Variants in COL4A4 observed in about 807,000 individuals in gnomAD.
COL4A4 encodes the protein collagen type IV alpha 4 chain, also known as collagen alpha-4(IV) chain.
COL4A4 carries 105 observed loss-of-function variants against 192.9 expected under a neutral mutation model. The ratio of observed to expected loss-of-function variants is 0.54; its 90% CI spans 0.46 to 0.64. The LOEUF is 0.64. Among genes scored for constraint, COL4A4 ranks in the 30% least tolerant of loss-of-function variants. The probability of loss-of-function intolerance (pLI) is 0.00; values close to 1 mark genes in which losing one functional copy is unlikely to be tolerated. For synonymous variants in COL4A4, 762 were observed against 769.9 expected (o/e 0.99, Z 0.17); for missense variants, 1,967 against 2,169.3 (o/e 0.91, Z 1.85).
intron 30 of COL4A4, 45 bp from the exon 31 acceptor site, chr2:227,054,782 T>C: frequency 6.4e-7 from 1 of 1,563,212 alleles, no homozygotes; most frequent in African/African-American, 1.4e-5. Flanking sequence ...ATTTTATTTG[T>C]TATTTATTTT....
intron 1 of COL4A4, among the ~76,000 whole-genome samples, chr2:227,152,744 A>G (rs148169533): frequency 2.0e-5 from 3 of 152,218 alleles, no homozygotes; most frequent in Non-Finnish European, 2.9e-5. Context: ...TTTTGTTTCA[A>G]CAAAGCTTTT....
At position 227,022,253 on chromosome 2, in the gene COL4A4, G is replaced by A; in HGVS notation, c.4091-80C>T. 6 of 1,505,194 alleles carry A rather than the reference G, an allele frequency of 4.0e-6. 1 individual carries two copies. In the South Asian group the frequency reaches 5.6e-5, roughly 14 times the overall value. 93.2% of individuals were successfully genotyped at this position (1,505,194 alleles called of 1,614,324 possible). The stretch of plus-strand genomic sequence containing the variant: ...CTTCTACAGTCTCTGGTTAAAGTTG[G>A]ACTTCTGACACTATACTGAAATTTA... On this transcript the variant is annotated intron_variant, in intron 43 of 47. Coordinates refer to ENST00000396625, the MANE Select transcript of COL4A4 (RefSeq NM_000092.5).
chr2:227,108,501 C>A, intron 12 of COL4A4, 80 bp downstream of exon 12: 1 of 1,408,906 alleles, frequency 7.1e-7, no homozygotes. Flanking sequence ...AGTACAAGTT[C>A]AAATAATCAG....
intron 9 of COL4A4, 73 bp downstream of exon 9, chr2:227,111,605 G>T (rs2061213232): frequency 6.7e-7 from 1 of 1,503,464 alleles, no homozygotes; most frequent in Non-Finnish European, 9.3e-7. Context: ...AGCTGGCTTT[G>T]CTGGGATTAA....
intron 37 of COL4A4, among the ~76,000 whole-genome samples, chr2:227,040,629 G>A (rs532312813): frequency 4.7e-5 from 7 of 150,014 alleles, no homozygotes; most frequent in South Asian, 2.1e-4. Context: ...GCAGTGGCAC[G>A]ATATTGGCTC....
At chr2:226,980,877 TTAA>T in the COL4A4 span, among the ~76,000 whole-genome samples, 4 of 152,198 alleles carry the variant, frequency 2.6e-5, no homozygotes, top group Admixed American at 6.6e-5. Flanking sequence ...TTATAAATAA[TTAA>T]TGTCTATTAA....
intron 25 of COL4A4, among the ~76,000 whole-genome samples, chr2:227,070,344 T>A (rs1234721236): frequency 6.6e-6 from 1 of 152,088 alleles, no homozygotes; most frequent in Non-Finnish European, 1.5e-5. Flanking sequence ...AGAAATACCA[T>A]TTGAACCAGC....
intron 4 of COL4A4, among the ~76,000 whole-genome samples, chr2:227,137,785 G>A (rs2125256700): frequency 6.6e-6 from 1 of 152,238 alleles, no homozygotes; most frequent in East Asian, 1.9e-4. Context: ...CCACAGGGCT[G>A]ATCAAATCTA....
chr2:227,063,496 G>C (rs1232590942), intron 25 of COL4A4, among the ~76,000 whole-genome samples: 1 of 151,954 alleles, frequency 6.6e-6, no homozygotes, highest in East Asian at 1.9e-4. Context: ...ATCAAAACAA[G>C]AACAAAGGAT....
the COL4A4 span, among the ~76,000 whole-genome samples, chr2:226,978,878 C>G: frequency 6.6e-6 from 1 of 152,002 alleles, no homozygotes; most frequent in Non-Finnish European, 1.5e-5. Context: ...AAAAGCTCTC[C>G]CAGCTACTGT....
At chr2:227,120,560 C>T (rs970557200) in intron 5 of COL4A4, among the ~76,000 whole-genome samples, 2 of 151,930 alleles carry the variant, frequency 1.3e-5, no homozygotes, top group African/African-American at 4.8e-5. Context: ...TGGAAAGGGG[C>T]CAAAAATGAG....
At chr2:227,131,763 C>G (rs928995204) in intron 4 of COL4A4, among the ~76,000 whole-genome samples, 1 of 152,184 alleles carries the variant, frequency 6.6e-6, no homozygotes, top group African/African-American at 2.4e-5. Context: ...CTAAATGCTA[C>G]TACATGCACC....
chr2:226,981,371 A>T, the COL4A4 span, among the ~76,000 whole-genome samples: 2 of 151,882 alleles, frequency 1.3e-5, no homozygotes, highest in Non-Finnish European at 2.9e-5. Flanking sequence ...ATAATAAAAA[A>T]TAAATAAATA....
intron 43 of COL4A4, among the ~76,000 whole-genome samples, chr2:227,023,483 T>C (rs376241951): frequency 6.6e-6 from 1 of 150,532 alleles, no homozygotes; most frequent in African/African-American, 2.4e-5. Context: ...ATACTAAAGA[T>C]GTGAGATTTT....
intron 40 of COL4A4, among the ~76,000 whole-genome samples, chr2:227,031,582 G>C (rs376075950): frequency 1.3e-5 from 2 of 152,204 alleles, no homozygotes; most frequent in Non-Finnish European, 2.9e-5. Flanking sequence ...AGTGGTTTAT[G>C]TGACAGTTGC....
intron 25 of COL4A4, among the ~76,000 whole-genome samples, chr2:227,069,571 T>A (rs1007501797): frequency 2.0e-5 from 3 of 152,072 alleles, no homozygotes; most frequent in Non-Finnish European, 4.4e-5. Flanking sequence ...GCCGCATATC[T>A]ACAACTATCT....
chr2:227,159,084 C>T (rs2064594563), intron 1 of COL4A4, among the ~76,000 whole-genome samples: 1 of 152,078 alleles, frequency 6.6e-6, no homozygotes, highest in Non-Finnish European at 1.5e-5. Context: ...GGTAAATGGA[C>T]TTTTTTTCAA....
chr2:227,128,482 C>A (rs1250582841), intron 4 of COL4A4, among the ~76,000 whole-genome samples: 1 of 152,156 alleles, frequency 6.6e-6, no homozygotes, highest in Non-Finnish European at 1.5e-5. Context: ...GCATCCTCTT[C>A]CCCTGTTAAT....
chr2:227,084,039 C>G (rs941913257), intron 22 of COL4A4, among the ~76,000 whole-genome samples: 2 of 152,134 alleles, frequency 1.3e-5, no homozygotes, highest in African/African-American at 4.8e-5. Flanking sequence ...AGTATAGCAT[C>G]CTGTTTGTAG....
Sources: allele counts gnomAD v4.1 joint callset (sites outside exome capture counted in the v4.1 genomes callset), GRCh38; gene constraint gnomAD v4.1.1; transcripts MANE v1.5; gene names NCBI Gene and HGNC (gene_info 2026-07-23, HGNC 2026-07-21).